Variants in LEKR1 observed in about 807,000 individuals in gnomAD.
LEKR1 encodes protein LEKR1.
LEKR1 carries 59 observed loss-of-function variants against 72.4 expected under a neutral mutation model. The observed-to-expected ratio is 0.82, with a 90% confidence interval of 0.66 to 1.01. LEKR1 has a LOEUF of 1.01. Among genes scored for constraint, LEKR1 ranks in the 50% least tolerant of loss-of-function variants. The pLI is 0.00. For missense variants in LEKR1, 728 were observed against 759.2 expected, an observed-to-expected ratio of 0.96 and a Z score of 0.48; for synonymous variants, 257 against 263.2, an observed-to-expected ratio of 0.98 and a Z score of 0.23.
intron 3 of LEKR1, among the ~76,000 whole-genome samples, chr3:156,914,540 C>T (rs1203504732): frequency 6.6e-6 from 1 of 152,146 alleles, no homozygotes; most frequent in Non-Finnish European, 1.5e-5. Flanking sequence ...ATATGTGCCA[C>T]ATTTTCTTTA....
At chr3:157,042,771 T>C (rs928952896) in intron 12 of LEKR1, among the ~76,000 whole-genome samples, 3 of 152,214 alleles carry the variant, frequency 2.0e-5, no homozygotes, top group Non-Finnish European at 4.4e-5. Flanking sequence ...GTCAGTAATA[T>C]GTTGGCCTCA....
At chr3:156,951,020 A>T (rs1727109352) in intron 6 of LEKR1, among the ~76,000 whole-genome samples, 1 of 151,616 alleles carries the variant, frequency 6.6e-6, no homozygotes, top group Non-Finnish European at 1.5e-5. Context: ...GACAGCTCTT[A>T]TTTTGAGGTC....
intron 12 of LEKR1, among the ~76,000 whole-genome samples, chr3:157,035,290 G>C (rs904262207): frequency 1.3e-5 from 2 of 152,070 alleles, no homozygotes; most frequent in African/African-American, 4.8e-5. Context: ...GGGATGTAAG[G>C]GTGGAATTGA....
chr3:156,845,193 CT>C (rs918923829), intron 2 of LEKR1, among the ~76,000 whole-genome samples: 6 of 150,988 alleles, frequency 4.0e-5, no homozygotes, highest in Non-Finnish European at 8.9e-5. Flanking sequence ...TCTAATTAGA[CT>C]TTTTTTTTCT....
chr3:156,949,218 G>A (rs1490193029), intron 6 of LEKR1, among the ~76,000 whole-genome samples: 2 of 151,426 alleles, frequency 1.3e-5, no homozygotes, highest in Non-Finnish European at 3.0e-5. Context: ...TGGTGTCTTT[G>A]TTACTAAATC....
At chr3:156,845,159 C>T (rs1285102692) in intron 2 of LEKR1, among the ~76,000 whole-genome samples, 1 of 151,840 alleles carries the variant, frequency 6.6e-6, no homozygotes, top group African/African-American at 2.4e-5. Flanking sequence ...TGTGAAAGGT[C>T]TCTTCAAGTC....
intron 2 of LEKR1, among the ~76,000 whole-genome samples, chr3:156,845,226 A>G (rs1016292946): frequency 8.6e-5 from 13 of 151,596 alleles, no homozygotes; most frequent in African/African-American, 2.4e-4. Context: ...GAAATTCTTT[A>G]TATAATCTAG....
Position 156,843,221 on chromosome 3 carries a change from C to A in LEKR1, c.49-9547C>A, listed in dbSNP as rs1714158901. Among the ~76,000 whole-genome samples, 2 of 152,144 alleles carry A rather than the reference C, an allele frequency of 1.3e-5. 1 individual carries two copies. Among genetic ancestry groups the A allele is most frequent in the South Asian group, 4.1e-4 (2 of 4,828 alleles). ...TAATACTGTAATTGTATATCTCTTC[C>A]CCTCATGAATGTCAATCCATTTTAG... On this transcript the variant is annotated intron_variant, in intron 2 of 12. Coordinates refer to ENST00000356539, the MANE Select transcript of LEKR1 (RefSeq NM_001004316.3).
At chr3:156,977,512 G>A (rs1031814390) in intron 6 of LEKR1, 2 of 393,936 alleles carry the variant, frequency 5.1e-6, no homozygotes, top group South Asian at 2.3e-5. Flanking sequence ...TCATAGTGCA[G>A]CCTGGGAAGA....
chr3:157,007,760 T>C, intron 9 of LEKR1, among the ~76,000 whole-genome samples: 1 of 152,190 alleles, frequency 6.6e-6, no homozygotes, highest in East Asian at 1.9e-4. Flanking sequence ...GTACAAAATG[T>C]GGAGCAAGGA....
At chr3:156,925,846 C>T (rs1226085623) in intron 4 of LEKR1, among the ~76,000 whole-genome samples, 1 of 151,878 alleles carries the variant, frequency 6.6e-6, no homozygotes, top group Non-Finnish European at 1.5e-5. Flanking sequence ...GGAAAGTTGG[C>T]TTAGGAGTAT....
At chr3:156,984,519 AT>A (rs1320085764) in intron 7 of LEKR1, among the ~76,000 whole-genome samples, 1 of 152,074 alleles carries the variant, frequency 6.6e-6, no homozygotes, top group African/African-American at 2.4e-5. Context: ...TTTACTAAAA[AT>A]ACAAAAATTA....
intron 3 of LEKR1, among the ~76,000 whole-genome samples, chr3:156,868,569 C>T (rs1261266217): frequency 1.3e-5 from 2 of 151,816 alleles, no homozygotes; most frequent in African/African-American, 2.4e-5. Flanking sequence ...TAGAGTGTGA[C>T]AAGGAAGCAG....
At chr3:156,949,312 T>G (rs1726950555) in intron 6 of LEKR1, among the ~76,000 whole-genome samples, 1 of 151,770 alleles carries the variant, frequency 6.6e-6, no homozygotes, top group Non-Finnish European at 1.5e-5. Flanking sequence ...ATTCAAGTCT[T>G]TAATACATCT....
chr3:156,849,325 A>G (rs1161512745), intron 2 of LEKR1, among the ~76,000 whole-genome samples: 1 of 152,222 alleles, frequency 6.6e-6, no homozygotes, highest in Non-Finnish European at 1.5e-5. Context: ...GAAAATGGCC[A>G]TATTGCCCAA....
At chr3:156,909,138 C>T (rs1054902539) in intron 3 of LEKR1, among the ~76,000 whole-genome samples, 9 of 152,180 alleles carry the variant, frequency 5.9e-5, no homozygotes, top group Non-Finnish European at 1.3e-4. Flanking sequence ...GCTCTGCCTT[C>T]ATCTTCCACT....
chr3:157,042,522 T>A (rs1428770713), intron 12 of LEKR1, among the ~76,000 whole-genome samples: 1 of 152,228 alleles, frequency 6.6e-6, no homozygotes, highest in Non-Finnish European at 1.5e-5. Context: ...GAACTTGCTA[T>A]GAGGACATCT....
intron 3 of LEKR1, chr3:156,888,175 T>C (rs1720298264): frequency 3.2e-6 from 2 of 620,576 alleles, no homozygotes; most frequent in Non-Finnish European, 5.9e-6. Context: ...AGAGTAGGAG[T>C]GGGGAGAGGA....
At position 157,028,203 on chromosome 3, in the gene LEKR1, C is replaced by A; in HGVS notation, c.1469C>A (p.Ser490Tyr). Residue 490 changes from serine (S) to tyrosine (Y), a missense_variant, in exon 12 of 13, where the codon TCT becomes TAT. Coordinates refer to ENST00000356539, the MANE Select transcript of LEKR1 (RefSeq NM_001004316.3). ...TCCCATATTCGGTACACTGAAGAAT[C>A]TAATTCAAAGGAAAAAGAAATTGAA... Reference protein sequence around the residue: ...HKSHIRYTEESNSKEKEIENL... With the variant: ...HKSHIRYTEEYNSKEKEIENL... 6.2e-7 allele frequency: 1 copy of A among 1,612,260 alleles called. No homozygotes were observed. The highest frequency in any genetic ancestry group is 8.5e-7 in the Non-Finnish European group (1 of 1,178,618).
Sources: gnomAD v4.1 joint callset for allele counts (sites outside exome capture counted in the v4.1 genomes callset) on GRCh38, gnomAD v4.1.1 for gene constraint, MANE v1.5 for transcripts, NCBI Gene and HGNC (gene_info 2026-07-23, HGNC 2026-07-21) for gene names.